Variants in IFRD2 observed in about 807,000 individuals in gnomAD.
The protein encoded by IFRD2 is interferon-related developmental regulator 2.
In IFRD2, 35 loss-of-function variants were observed where a neutral mutation model predicts 49.2. The observed-to-expected ratio is 0.71, with a 90% CI of 0.54 to 0.94. The LOEUF (loss-of-function observed/expected upper bound fraction) is 0.94, where lower values mean the gene tolerates loss of function less well. IFRD2 is among the 40% of genes least tolerant of loss of function. The pLI is 0.00. For missense variants in IFRD2, 561 were observed against 591.6 expected, an observed-to-expected ratio of 0.95 and a Z score of 0.54; for synonymous variants, 275 against 239.7, an observed-to-expected ratio of 1.15 and a Z score of -1.36.
intron 1 of IFRD2, among the ~76,000 whole-genome samples, chr3:50,291,619 C>T (rs587681321): frequency 1.3e-5 from 2 of 152,274 alleles, no homozygotes; most frequent in South Asian, 2.1e-4. Flanking sequence ...TCCTCCCTTC[C>T]CCCTCAAGAA....
intron 1 of IFRD2, 49 bp downstream of exon 1, chr3:50,292,157 ATCCAGCAGGAC>A: frequency 1.4e-6 from 2 of 1,413,490 alleles, no homozygotes; most frequent in South Asian, 3.0e-5. Flanking sequence ...AACCAAGGGG[ATCCAGCAGGAC>A]CCCCGCCCGC....
In IFRD2 at chr3:50,288,730, A is replaced by G; in HGVS notation, c.1024-19T>C. On this transcript the variant is annotated intron_variant, in intron 9 of 11. Transcript: ENST00000417626. ...CACCGCCCTGCAGGGTAGAGGTGCC[A>G]ACACAACTGGGCTTGGCTGCTATGC... is the stretch of plus-strand genomic sequence containing the variant. 6.2e-7 allele frequency: 1 copy of G among 1,612,816 alleles called. No homozygotes were observed. The highest frequency in any genetic ancestry group is 8.5e-7 in the Non-Finnish European group (1 of 1,179,286).
At chr3:50,289,419 C>T in intron 7 of IFRD2, 28 bp downstream of exon 7, 1 of 1,568,478 alleles carries the variant, frequency 6.4e-7, no homozygotes, top group Non-Finnish European at 8.6e-7. Flanking sequence ...GAGATCCCCT[C>T]CCCCTCCCAG....
chr3:50,288,880 T>C lies in IFRD2; in HGVS notation c.943A>G (p.Thr315Ala), dbSNP rs1701614035. Residue 315 changes from threonine to alanine, a missense_variant, in exon 9 of 12, where the codon ACT becomes GCT. Coordinates refer to ENST00000417626, the MANE Select transcript of IFRD2 (RefSeq NM_006764.5). Reference sequence around the variant, plus strand: ...TTGGCACGGTACTTGTTACTGTCAGTGGCCAGAGTGCGCAGGACACTGCAG... The same window carrying C: ...TTGGCACGGTACTTGTTACTGTCAGCGGCCAGAGTGCGCAGGACACTGCAG... The part of the protein sequence containing the change: ...ALCSVLRTLA[T>A]DSNKYRAKAD... 1 of 1,613,462 alleles carries C rather than the reference T, an allele frequency of 6.2e-7. No individual in the cohort carries two copies. Among genetic ancestry groups the C allele is most frequent in the South Asian group, 1.1e-5 (1 of 90,974 alleles).
chr3:50,291,684 A>G (rs1701676564), intron 1 of IFRD2: 1 of 152,870 alleles, frequency 6.5e-6, no homozygotes, highest in Admixed American at 6.5e-5. Context: ...GAGTAAACAT[A>G]TGTGTTTAAC....
At chr3:50,291,229 C>T (rs1019528384) in intron 1 of IFRD2, among the ~76,000 whole-genome samples, 10 of 152,006 alleles carry the variant, frequency 6.6e-5, no homozygotes, top group Admixed American at 1.3e-4. Context: ...AGGCTGGTCT[C>T]GAACTCCTGG....
At chr3:50,289,031 C>T (rs1310213729) in intron 8 of IFRD2, 94 bp from the exon 9 acceptor site, 11 of 1,503,612 alleles carry the variant, frequency 7.3e-6, no homozygotes, top group South Asian at 2.5e-5. Context: ...CACTGAGAGA[C>T]CCTCTCTTCT....
rs375653258 is a variant in IFRD2, at chr3:50,289,305, C to T, written c.835G>A (p.Ala279Thr). The T allele has an allele frequency of 1.3e-4, 203 of 1,598,932 alleles. No homozygotes were observed. The highest frequency in any genetic ancestry group is 1.5e-4 in the Non-Finnish European group (178 of 1,173,094). ...LSSESVNLRI[A>T]AGETIALLFE... ...AGCAGTGCAATGGTTTCACCGGCAG[C>T]GATCCGCAGGTTCACACTTTCACTG... Residue 279 changes from alanine to threonine, a missense_variant, in exon 8 of 12, where the codon GCT (alanine) becomes ACT (threonine). Physicochemically the swap from Ala to Thr is moderately conservative, Grantham distance 58. Coordinates refer to ENST00000417626, the MANE Select transcript of IFRD2 (RefSeq NM_006764.5).
chr3:50,289,333 C>A lies in IFRD2; in HGVS notation c.807G>T (p.Leu269Phe). 1 of 1,601,236 alleles carries A rather than the reference C, an allele frequency of 6.2e-7. No homozygotes were observed. Residue 269 changes from leucine to phenylalanine, a missense_variant, in exon 8 of 12, where the codon TTG becomes TTT. Coordinates refer to ENST00000417626, the MANE Select transcript of IFRD2 (RefSeq NM_006764.5). ...TCCGCAGGTTCACACTTTCACTGGA[C>A]AAGAGCTGGGGCAGCCGGGGCAGCT... ...DRQLPRLPQL[L>F]SSESVNLRIA...
intron 11 of IFRD2, 33 bp downstream of exon 11, chr3:50,288,376 A>AG: frequency 1.2e-6 from 2 of 1,606,472 alleles, no homozygotes; most frequent in Non-Finnish European, 8.5e-7. Flanking sequence ...AAATGGGAAT[A>AG]GGGGGAAGAG....
intron 1 of IFRD2, chr3:50,291,778 G>A (rs1213183231): frequency 2.8e-5 from 5 of 176,514 alleles, no homozygotes; most frequent in African/African-American, 1.2e-4. Flanking sequence ...ACCTTGTGGA[G>A]TCAGGCCTGC....
rs1553709336 is a variant in IFRD2, at chr3:50,289,539, G to C, written c.687C>G (p.Ala229=). The change falls in exon 7 of 12, where the codon GCC becomes GCG. Residue 229 remains alanine, a synonymous_variant. Transcript: ENST00000417626. ...CAGCAGAGAGCAGGCCGTGCAGGCT[G>C]GCAGGAACCACAGGACTTGTGGAGC... ...GGSSTSPVVP[A]SLHGLLSAAL... 6.3e-7 allele frequency: 1 copy of C among 1,581,542 alleles called. No homozygotes were observed. Among genetic ancestry groups the C allele is most frequent in the African/African-American group, 1.3e-5 (1 of 74,100 alleles).
intron 1 of IFRD2, 148 bp from the exon 2 acceptor site, chr3:50,290,827 G>A: frequency 9.6e-7 from 1 of 1,041,050 alleles, no homozygotes. Context: ...CAGTAGGGCT[G>A]GTGCACTCCT....
In IFRD2 at chr3:50,290,205, G is replaced by A. The variant is rs782019385; in HGVS notation, c.353C>T (p.Thr118Met). 25 of 1,613,666 alleles carry A rather than the reference G, an allele frequency of 1.5e-5. No individual in the cohort carries two copies. Among genetic ancestry groups the A allele is most frequent in the Admixed American group, 5.0e-5 (3 of 59,974 alleles). ...GCACTTTTCCAGGGCATCGGCTAGCGTGAGGCGGCGCTCCAGCAAGAAGTC... is the reference window on the plus strand; with the variant it reads ...GCACTTTTCCAGGGCATCGGCTAGCATGAGGCGGCGCTCCAGCAAGAAGTC... The part of the protein sequence containing the change: ...LPDFLLERRL[T>M]LADALEKCLK... The change falls in exon 4 of 12, where the codon ACG becomes ATG. Residue 118 changes from threonine (T) to methionine (M), a missense_variant. Transcript: ENST00000417626.
chr3:50,290,714 C>T, intron 1 of IFRD2, 35 bp from the exon 2 acceptor site: 3 of 1,607,132 alleles, frequency 1.9e-6, no homozygotes, highest in South Asian at 1.1e-5. Context: ...CAACTTGCCT[C>T]TACTGATGAG....
chr3:50,290,001 C>T lies in IFRD2; in HGVS notation c.474G>A (p.Leu158=), dbSNP rs782134148. The T allele has an allele frequency of 3.1e-6, 5 of 1,612,964 alleles. No homozygotes were observed. The African/African-American group carries it at 6.7e-5, about 22-fold the overall frequency. The change falls in exon 5 of 12, where the codon CTG becomes CTA. Residue 158 remains leucine (L), a synonymous_variant. Transcript: ENST00000417626. ...CCAGCAGAGGCTGCAGGCTGTGAAA[C>T]AGCTCCTCACCCTTAGGTCCAGGGC... is the stretch of plus-strand genomic sequence containing the variant. ...QLGPGPKGEE[L]FHSLQPLLVS...
chr3:50,290,856 G>A (rs1420920908), intron 1 of IFRD2, among the ~76,000 whole-genome samples, 177 bp from the exon 2 acceptor site: 1 of 152,148 alleles, frequency 6.6e-6, no homozygotes, highest in Non-Finnish European at 1.5e-5. Context: ...GGTCTGTCCA[G>A]GGCCAAGGGC....
chr3:50,290,504 G>A, intron 2 of IFRD2, 32 bp from the exon 3 acceptor site: 1 of 1,597,274 alleles, frequency 6.3e-7, no homozygotes, highest in South Asian at 1.1e-5. Context: ...ACCGCTTCTT[G>A]TCCTCAGCCC....
In IFRD2 at chr3:50,292,346, G is replaced by C. The variant is rs1330240613; in HGVS notation, c.-72C>G. 1 of 1,566,598 alleles carries C rather than the reference G, an allele frequency of 6.4e-7. No homozygotes were observed. Among genetic ancestry groups the C allele is most frequent in the African/African-American group, 1.4e-5 (1 of 73,786 alleles). On this transcript the variant is annotated 5_prime_UTR_variant, in exon 1 of 12. Coordinates refer to ENST00000417626, the MANE Select transcript of IFRD2 (RefSeq NM_006764.5). ...GTGGGCTCCAGGCCAACGAGACGCC[G>C]GCCGGTGCGCTGCGCTGAGACTTGG...
Sources: gnomAD v4.1 joint callset for allele counts (sites outside exome capture counted in the v4.1 genomes callset) on GRCh38, gnomAD v4.1.1 for gene constraint, MANE v1.5 for transcripts, NCBI Gene and HGNC (gene_info 2026-07-23, HGNC 2026-07-21) for gene names.